The following IL17RB variants were observed in gnomAD, a reference collection of about 807,000 sequenced individuals.
IL17RB encodes the protein interleukin 17 receptor B, also known as interleukin-17 receptor B.
IL17RB carries 36 observed loss-of-function variants against 43.9 expected under a neutral mutation model. The ratio of observed to expected loss-of-function variants is 0.82; its 90% CI spans 0.63 to 1.08. The LOEUF is 1.08. IL17RB is among the 50% of genes least tolerant of loss of function. IL17RB has a pLI of 0.00. For synonymous variants in IL17RB, 225 were observed against 225.4 expected (o/e 1.00, Z 0.02); for missense variants, 613 against 613.6 (o/e 1.00, Z 0.01).
chr3:53,854,545 T>A (rs181329872), intron 5 of IL17RB, among the ~76,000 whole-genome samples: 110 of 152,326 alleles, frequency 7.2e-4, no homozygotes, highest in African/African-American at 2.5e-3. Context: ...CTGATGTTTG[T>A]CTCATGATTA....
chr3:53,855,930 G>A (rs1699318508), intron 6 of IL17RB, among the ~76,000 whole-genome samples: 5 of 152,178 alleles, frequency 3.3e-5, no homozygotes, highest in Admixed American at 3.3e-4. Flanking sequence ...GTTTCCAAGG[G>A]TTTGTGTAAA....
intron 6 of IL17RB, among the ~76,000 whole-genome samples, chr3:53,855,562 A>G (rs1166118738): frequency 1.3e-5 from 2 of 152,182 alleles, no homozygotes; most frequent in African/African-American, 4.8e-5. Flanking sequence ...GACCCTCAGT[A>G]CATTTATATA....
chr3:53,853,071 C>A, intron 5 of IL17RB, 74 bp downstream of exon 5: 1 of 1,577,348 alleles, frequency 6.3e-7, no homozygotes. Context: ...AGAGAGAGCC[C>A]AGGGAACCCT....
intron 10 of IL17RB, among the ~76,000 whole-genome samples, chr3:53,863,784 C>G (rs1699661608): frequency 6.6e-6 from 1 of 151,274 alleles, no homozygotes; most frequent in Non-Finnish European, 1.5e-5. Context: ...ATATACAGCA[C>G]TAAAAGTACT....
Position 53,858,714 on chromosome 3 carries a change from C to G in IL17RB, c.748-5C>G. ...GAACTTTCTGAGCCTCTTGTTTTTCCTCAGCTGACTCCATATTTTCCTACT... is the reference window on the plus strand; with the variant it reads ...GAACTTTCTGAGCCTCTTGTTTTTCGTCAGCTGACTCCATATTTTCCTACT... On this transcript the variant is annotated splice_polypyrimidine_tract_variant and splice_region_variant and intron_variant, in intron 8 of 10. Coordinates refer to ENST00000288167, the MANE Select transcript of IL17RB (RefSeq NM_018725.4). 1 of 1,613,836 alleles carries G rather than the reference C, an allele frequency of 6.2e-7. No homozygotes were observed. Among genetic ancestry groups the G allele is most frequent in the Non-Finnish European group, 8.5e-7 (1 of 1,179,844 alleles).
Position 53,852,027 on chromosome 3 carries a change from G to A in IL17RB, c.255G>A (p.Lys85=). The A allele has an allele frequency of 1.2e-6, 2 of 1,614,180 alleles. No homozygotes were observed. The highest frequency in any genetic ancestry group is 1.7e-6 in the Non-Finnish European group (2 of 1,180,040). Residue 85 remains lysine, a synonymous_variant, in exon 4 of 11, where the codon AAG becomes AAA. Transcript: ENST00000288167. Reference sequence around the variant, plus strand: ...GCATCCGCTTGTTGAAGGCCACCAAGATTTGTGTGACGGGCAAAAGCAACT... The same window carrying A: ...GCATCCGCTTGTTGAAGGCCACCAAAATTTGTGTGACGGGCAAAAGCAACT... The part of the protein sequence containing the change: ...DASIRLLKAT[K]ICVTGKSNFQ...
intron 10 of IL17RB, among the ~76,000 whole-genome samples, chr3:53,862,532 CA>C (rs1269854360): frequency 1.3e-5 from 2 of 151,984 alleles, no homozygotes; most frequent in Non-Finnish European, 2.9e-5. Context: ...GTAGATGTGG[CA>C]AAAAAGGTGG....
Position 53,857,597 on chromosome 3 carries a change from TGA to T in IL17RB, c.673-18_673-17del. 1.2e-6 allele frequency: 2 copies of T among 1,612,336 alleles called. No homozygotes were observed. ...AGTGCACCTGGCACCTCATAATTCT[TGA>T]CTCTCTCTCTCTTAAGCCACACCAG... On this transcript the variant is annotated splice_polypyrimidine_tract_variant and intron_variant, in intron 7 of 10. Transcript: ENST00000288167.
In IL17RB at chr3:53,849,657, C is replaced by G. The variant is rs777817513; in HGVS notation, c.88C>G (p.Pro30Ala). Residue 30 changes from proline to alanine, a missense_variant and splice_region_variant, in exon 3 of 11, where the codon CCA becomes GCA. Physicochemically the swap from Pro to Ala is conservative, Grantham distance 27 (BLOSUM62 -1). Coordinates refer to ENST00000288167, the MANE Select transcript of IL17RB (RefSeq NM_018725.4). ...PTVQCGSETGPSPEWMLQHDL... is the reference protein window; with the variant it reads ...PTVQCGSETGASPEWMLQHDL... Reference sequence around the variant, plus strand: ...ATGGAAGTCTTGCTTTTTCCCAGGGCCATCTCCAGAGTGGATGCTACAACA... The same window carrying G: ...ATGGAAGTCTTGCTTTTTCCCAGGGGCATCTCCAGAGTGGATGCTACAACA... 3 of 1,596,850 alleles carry G rather than the reference C, an allele frequency of 1.9e-6. No homozygotes were observed. In the Admixed American group the frequency reaches 5.2e-5, roughly 28 times the overall value.
chr3:53,855,429 T>A (rs1315109676), intron 6 of IL17RB, 88 bp downstream of exon 6: 1 of 936,730 alleles, frequency 1.1e-6, no homozygotes, highest in African/African-American at 1.7e-5. Context: ...ACAGAAGAAC[T>A]GAGCCCTAGG....
At chr3:53,848,538 C>G in intron 1 of IL17RB, 126 bp from the exon 2 acceptor site, 3 of 937,342 alleles carry the variant, frequency 3.2e-6, no homozygotes, top group East Asian at 2.4e-5. Flanking sequence ...ACCAGTTCAT[C>G]TTTTCTTTGA....
chr3:53,864,950 C>T lies in IL17RB; in HGVS notation c.1151C>T (p.Thr384Ile). ...ATGGGTCCAGTGCAGTGGCTTGCCA[C>T]TCAAAAGAAGGCAGCAGACAAAGTC... is the stretch of plus-strand genomic sequence containing the variant. ...AEMGPVQWLATQKKAADKVVF... is the reference protein window; with the variant it reads ...AEMGPVQWLAIQKKAADKVVF... The change falls in exon 11 of 11, where the codon ACT (threonine) becomes ATT (isoleucine). Residue 384 changes from threonine to isoleucine, a missense_variant. Thr to Ile is a moderately conservative substitution (Grantham distance 89). Coordinates refer to ENST00000288167, the MANE Select transcript of IL17RB (RefSeq NM_018725.4). 1 of 1,614,154 alleles carries T rather than the reference C, an allele frequency of 6.2e-7. No individual in the cohort carries two copies. The highest frequency in any genetic ancestry group is 8.5e-7 in the Non-Finnish European group (1 of 1,180,012).
rs572477987 is a variant in IL17RB at position 53,849,423 on chromosome 3, C to G, written c.86-232C>G. ...AGGCGTGGTGGCTTATACCTATAATCCAAGCACTTTGGGAGGCTGAGGTGG... is the reference window on the plus strand; with the variant it reads ...AGGCGTGGTGGCTTATACCTATAATGCAAGCACTTTGGGAGGCTGAGGTGG... On this transcript the variant is annotated intron_variant, in intron 2 of 10. Transcript: ENST00000288167. Among the ~76,000 whole-genome samples the G allele has an allele frequency of 1.8e-4, 28 of 152,130 alleles. No homozygotes were observed. In the South Asian group the frequency reaches 5.4e-3, roughly 29 times the overall value.
chr3:53,849,786 C>T lies in IL17RB; in HGVS notation c.217C>T (p.Arg73Trp), dbSNP rs199882398. Residue 73 changes from arginine (R) to tryptophan (W), a missense_variant, in exon 3 of 11, where the codon CGG (arginine) becomes TGG (tryptophan). Arg to Trp is a moderately radical substitution (Grantham distance 101). Transcript: ENST00000288167. Reference protein sequence around the residue: ...SILMNVSWVLRADASIRLLKA... With the variant: ...SILMNVSWVLWADASIRLLKA... Reference sequence around the variant, plus strand: ...TTTGATGAATGTAAGCTGGGTACTCCGGGCAGATGGTAAGTTTGCATCCAT... The same window carrying T: ...TTTGATGAATGTAAGCTGGGTACTCTGGGCAGATGGTAAGTTTGCATCCAT... 1.9e-4 allele frequency: 307 copies of T among 1,599,138 alleles called. No individual in the cohort carries two copies. The highest frequency in any genetic ancestry group is 7.0e-4 in the East Asian group (31 of 44,436).
chr3:53,855,790 G>A (rs1466816262), intron 6 of IL17RB, among the ~76,000 whole-genome samples: 6 of 152,162 alleles, frequency 3.9e-5, no homozygotes, highest in Non-Finnish European at 8.8e-5. Context: ...GTGTGAGTTC[G>A]CTAAAGGACT....
At position 53,858,767 on chromosome 3, in the gene IL17RB, G is replaced by C. The variant is rs767053498; in HGVS notation, c.796G>C (p.Gly266Arg). ...TCGSDCIRHK[G>R]TVVLCPQTGV... ...TGGCAGCGACTGCATCCGACATAAA[G>C]GAACAGTTGTGCTCTGCCCACAAAC... The change falls in exon 9 of 11, where the codon GGA (glycine) becomes CGA (arginine). Residue 266 changes from glycine (G) to arginine (R), a missense_variant. Coordinates refer to ENST00000288167, the MANE Select transcript of IL17RB (RefSeq NM_018725.4). The C allele has an allele frequency of 4.3e-6, 7 of 1,614,158 alleles. No individual in the cohort carries two copies. In the Admixed American group the frequency reaches 1.2e-4, roughly 27 times the overall value.
intron 4 of IL17RB, among the ~76,000 whole-genome samples, chr3:53,852,621 C>G (rs980356988): frequency 2.6e-5 from 4 of 152,176 alleles, no homozygotes; most frequent in African/African-American, 9.7e-5. Context: ...GTCAGCATCT[C>G]TGGGCCTCAG....
intron 1 of IL17RB, 85 bp downstream of exon 1, chr3:53,846,733 C>G: frequency 7.1e-7 from 1 of 1,400,772 alleles, no homozygotes; most frequent in Non-Finnish European, 9.6e-7. Flanking sequence ...GTCCAGGCTG[C>G]CCCGAAGGCG....
intron 6 of IL17RB, among the ~76,000 whole-genome samples, chr3:53,856,018 A>G (rs1307835998): frequency 6.6e-6 from 1 of 152,174 alleles, no homozygotes; most frequent in African/African-American, 2.4e-5. Flanking sequence ...GGCACCCTTC[A>G]CTGCACAAGG....
Sources: allele counts gnomAD v4.1 joint callset (sites outside exome capture counted in the v4.1 genomes callset), GRCh38; gene constraint gnomAD v4.1.1; transcripts MANE v1.5; gene names NCBI Gene and HGNC (gene_info 2026-07-23, HGNC 2026-07-21).